Variants in OPCML observed in about 807,000 individuals in gnomAD.
OPCML encodes the protein opioid binding protein/cell adhesion molecule like.
In OPCML, 13 loss-of-function variants were observed where a neutral mutation model predicts 37.8. The ratio of observed to expected loss-of-function variants is 0.34; its 90% CI spans 0.22 to 0.55. The LOEUF (loss-of-function observed/expected upper bound fraction) is 0.55. Ranked by LOEUF, OPCML falls within the 20% of genes least tolerant of loss-of-function variation. The pLI is 0.91. For missense variants in OPCML, 341 were observed against 435.6 expected, an observed-to-expected ratio of 0.78 and a Z score of 1.93; for synonymous variants, 176 against 168.8, an observed-to-expected ratio of 1.04 and a Z score of -0.33.
At chr11:132,439,393 T>A (rs1358809144) in intron 4 of OPCML, among the ~76,000 whole-genome samples, 1 of 152,114 alleles carries the variant, frequency 6.6e-6, no homozygotes, top group African/African-American at 2.4e-5. Flanking sequence ...GCCACCTGGG[T>A]CTGGGTTAAG....
chr11:132,810,157 C>A (rs1279388201), intron 2 of OPCML, among the ~76,000 whole-genome samples: 3 of 152,114 alleles, frequency 2.0e-5, no homozygotes, highest in Non-Finnish European at 4.4e-5. Flanking sequence ...CCTCTCCCTC[C>A]GTCTTCTGAG....
chr11:132,553,330 AT>A (rs1367080478), intron 3 of OPCML, among the ~76,000 whole-genome samples: 1 of 152,202 alleles, frequency 6.6e-6, no homozygotes, highest in South Asian at 2.1e-4. Context: ...AAAGTTGCTG[AT>A]TTAATAGGCA....
At chr11:133,068,312 T>C (rs554508206) in intron 1 of OPCML, among the ~76,000 whole-genome samples, 1 of 152,332 alleles carries the variant, frequency 6.6e-6, no homozygotes, top group Non-Finnish European at 1.5e-5. Flanking sequence ...TAAACTCTGC[T>C]TTTTTTCCTT....
intron 1 of OPCML, among the ~76,000 whole-genome samples, chr11:133,335,005 T>C (rs1200606088): frequency 2.0e-5 from 3 of 152,210 alleles, no homozygotes; most frequent in Non-Finnish European, 4.4e-5. Flanking sequence ...AATGGATGCA[T>C]GTTTCAACTT....
chr11:133,090,824 A>C (rs945645033), intron 1 of OPCML, among the ~76,000 whole-genome samples: 2 of 152,248 alleles, frequency 1.3e-5, no homozygotes, highest in Admixed American at 6.5e-5. Flanking sequence ...TGTGAAGAAC[A>C]GAAAAGTGTG....
chr11:132,846,781 C>T (rs2136317571), intron 2 of OPCML, among the ~76,000 whole-genome samples: 1 of 152,294 alleles, frequency 6.6e-6, no homozygotes, highest in East Asian at 1.9e-4. Context: ...ATTTTGTAAA[C>T]TTCTAGTGAC....
chr11:133,238,408 T>C (rs868469346), intron 1 of OPCML, among the ~76,000 whole-genome samples: 1 of 152,276 alleles, frequency 6.6e-6, no homozygotes, highest in Non-Finnish European at 1.5e-5. Context: ...TTTATGTTGA[T>C]TACTTGTTAT....
At chr11:133,004,260 G>A in intron 1 of OPCML, 1 of 985,448 alleles carries the variant, frequency 1.0e-6, no homozygotes, top group South Asian at 4.7e-5. Context: ...TGCCTCCTTA[G>A]AGGCTTGCCA....
chr11:132,844,947 TA>T (rs33983059), intron 2 of OPCML, among the ~76,000 whole-genome samples: 32 of 141,820 alleles, frequency 2.3e-4, no homozygotes, highest in East Asian at 8.2e-4. Context: ...AAAGGAAATG[TA>T]AAAAAAAAAA....
chr11:133,099,021 A>G (rs930625441), intron 1 of OPCML, among the ~76,000 whole-genome samples: 1 of 152,168 alleles, frequency 6.6e-6, no homozygotes, highest in South Asian at 2.1e-4. Flanking sequence ...AATTTCCTAT[A>G]TACCGGCAAT....
intron 1 of OPCML, among the ~76,000 whole-genome samples, chr11:132,995,164 CT>C: frequency 6.6e-6 from 1 of 152,292 alleles, no homozygotes. Flanking sequence ...TCAGAGAGAG[CT>C]TTGCCAAGAA....
At chr11:133,368,580 A>G (rs924143187) in intron 1 of OPCML, among the ~76,000 whole-genome samples, 9 of 152,200 alleles carry the variant, frequency 5.9e-5, no homozygotes. Context: ...GAGGCAGACT[A>G]TGAAGGGAAA....
intron 2 of OPCML, among the ~76,000 whole-genome samples, chr11:132,884,722 G>A (rs1283813048): frequency 6.6e-6 from 1 of 152,068 alleles, no homozygotes; most frequent in Non-Finnish European, 1.5e-5. Context: ...TACAATCAAG[G>A]GTCTCTGATA....
At chr11:133,390,140 C>CAT (rs1410715762) in intron 1 of OPCML, among the ~76,000 whole-genome samples, 2 of 152,212 alleles carry the variant, frequency 1.3e-5, no homozygotes, top group Admixed American at 6.5e-5. Flanking sequence ...ATGACTGGAA[C>CAT]ATCTGTACGT....
chr11:133,019,798 C>A (rs1294800806), intron 1 of OPCML, among the ~76,000 whole-genome samples: 5 of 152,080 alleles, frequency 3.3e-5, no homozygotes, highest in Non-Finnish European at 7.4e-5. Context: ...AATTCCTTGA[C>A]AGGAAGGGCC....
At chr11:132,421,164 A>G (rs1267074824) in intron 7 of OPCML, among the ~76,000 whole-genome samples, 1 of 152,140 alleles carries the variant, frequency 6.6e-6, no homozygotes, top group East Asian at 1.9e-4. Context: ...GGTGTATCTA[A>G]CTTGGACCAG....
At chr11:133,012,543 A>G (rs1470051238) in intron 1 of OPCML, among the ~76,000 whole-genome samples, 5 of 152,208 alleles carry the variant, frequency 3.3e-5, no homozygotes, top group Admixed American at 6.5e-5. Flanking sequence ...TTAGATTAAA[A>G]GCAAAAGTGA....
chr11:132,849,226 A>T (rs1941689063), intron 2 of OPCML, among the ~76,000 whole-genome samples: 1 of 152,224 alleles, frequency 6.6e-6, no homozygotes, highest in Non-Finnish European at 1.5e-5. Flanking sequence ...TGAAGAGAGG[A>T]TGAATAACTT....
chr11:132,426,263 G>A (rs1461639953), intron 7 of OPCML, among the ~76,000 whole-genome samples: 4 of 152,168 alleles, frequency 2.6e-5, no homozygotes, highest in African/African-American at 9.7e-5. Flanking sequence ...ATGACAAAGG[G>A]ATCCATTTGT....
Sources: allele counts gnomAD v4.1 joint callset (sites outside exome capture counted in the v4.1 genomes callset), GRCh38; gene constraint gnomAD v4.1.1; transcripts MANE v1.5; gene names NCBI Gene and HGNC (gene_info 2026-07-23, HGNC 2026-07-21).